NRXN3: variants seen among roughly 807,000 people sequenced by gnomAD.
The protein encoded by NRXN3 is neurexin 3.
Under a neutral mutation model 137.6 loss-of-function variants are expected in NRXN3, and 32 were observed. The ratio of observed to expected loss-of-function variants is 0.23; its 90% confidence interval spans 0.18 to 0.31. NRXN3 has a LOEUF of 0.31. Ranked by LOEUF, NRXN3 falls within the 10% of genes least tolerant of loss-of-function variation. The probability of loss-of-function intolerance (pLI) is 1.00; values close to 1 mark genes in which losing one functional copy is unlikely to be tolerated. For synonymous variants in NRXN3, 798 were observed against 784.5 expected, an observed-to-expected ratio of 1.02 and a Z score of -0.29; for missense variants, 1,574 against 2,062.5, an observed-to-expected ratio of 0.76 and a Z score of 4.59.
chr14:79,292,144 A>G (rs573046832), intron 15 of NRXN3, among the ~76,000 whole-genome samples: 1 of 152,338 alleles, frequency 6.6e-6, no homozygotes, highest in East Asian at 1.9e-4. Context: ...CAGTTCCCGG[A>G]TACTGAAAGC....
intron 14 of NRXN3, among the ~76,000 whole-genome samples, chr14:78,987,675 G>C (rs962629144): frequency 1.3e-5 from 2 of 151,358 alleles, no homozygotes; most frequent in Non-Finnish European, 2.9e-5. Flanking sequence ...TTTTTTCTGA[G>C]TTAGCATTCT....
chr14:78,409,498 T>A (rs896647146), intron 4 of NRXN3, among the ~76,000 whole-genome samples: 5 of 152,230 alleles, frequency 3.3e-5, no homozygotes, highest in Non-Finnish European at 7.3e-5. Flanking sequence ...TTGCCCTTCC[T>A]TTGCATTCAA....
chr14:78,564,497 AT>A (rs139070037), intron 4 of NRXN3, among the ~76,000 whole-genome samples: 2,253 of 152,234 alleles, frequency 0.015, 44 homozygotes, highest in African/African-American at 0.052. Flanking sequence ...TTGTTTAGAA[AT>A]TTACCAGGCA....
intron 15 of NRXN3, among the ~76,000 whole-genome samples, chr14:79,201,844 C>T (rs566884912): frequency 5.9e-5 from 9 of 152,322 alleles, no homozygotes; most frequent in Middle Eastern, 3.4e-3. Flanking sequence ...GCACTTTCTA[C>T]GTCACTACAT....
chr14:79,364,667 A>C (rs555573768), intron 15 of NRXN3, among the ~76,000 whole-genome samples: 52 of 20,546 alleles, frequency 2.5e-3, no homozygotes, highest in African/African-American at 4.0e-3. Context: ...TTAGGTAAAA[A>C]TGAAACAAAA....
At chr14:78,437,335 T>A (rs2094103789) in intron 4 of NRXN3, among the ~76,000 whole-genome samples, 1 of 150,656 alleles carries the variant, frequency 6.6e-6, no homozygotes, top group Non-Finnish European at 1.5e-5. Flanking sequence ...TTTTTTCTTT[T>A]CTTTTCTTTT....
intron 16 of NRXN3, among the ~76,000 whole-genome samples, chr14:79,471,182 A>G (rs1295909615): frequency 6.6e-6 from 1 of 152,122 alleles, no homozygotes. Context: ...AGAGAGCCTG[A>G]CCCTGGGGTA....
chr14:79,077,592 G>T (rs1381613814), intron 15 of NRXN3, among the ~76,000 whole-genome samples: 1 of 152,040 alleles, frequency 6.6e-6, no homozygotes, highest in Non-Finnish European at 1.5e-5. Context: ...GAACTTTTTG[G>T]CAATTATAAA....
chr14:79,823,471 G>T (rs1310303526), intron 20 of NRXN3, among the ~76,000 whole-genome samples: 2 of 152,114 alleles, frequency 1.3e-5, no homozygotes, highest in African/African-American at 4.8e-5. Context: ...AGCTACTTGG[G>T]ATGCTGAGGT....
chr14:78,274,424 T>C (rs12432657), intron 2 of NRXN3, among the ~76,000 whole-genome samples: 37,150 of 152,104 alleles, frequency 0.24, 4,702 homozygotes, highest in East Asian at 0.34. Context: ...TGAGAACTTA[T>C]TCACTACCAC....
At chr14:79,623,710 A>G (rs1193057121) in intron 16 of NRXN3, among the ~76,000 whole-genome samples, 1 of 152,210 alleles carries the variant, frequency 6.6e-6, no homozygotes, top group Non-Finnish European at 1.5e-5. Flanking sequence ...CTGAACTACT[A>G]GCCTATCACC....
chr14:79,497,330 C>G (rs1056328833), intron 16 of NRXN3, among the ~76,000 whole-genome samples: 8 of 152,124 alleles, frequency 5.3e-5, no homozygotes, highest in Non-Finnish European at 1.2e-4. Flanking sequence ...ACAGGTTGAT[C>G]TTGTTTCTAC....
At chr14:79,654,435 T>C (rs975196734) in intron 16 of NRXN3, among the ~76,000 whole-genome samples, 1 of 152,216 alleles carries the variant, frequency 6.6e-6, no homozygotes, top group African/African-American at 2.4e-5. Context: ...TTTAGGCTTG[T>C]AGGCCACATG....
chr14:79,213,032 G>A (rs759695972), intron 15 of NRXN3, among the ~76,000 whole-genome samples: 7 of 151,862 alleles, frequency 4.6e-5, no homozygotes, highest in Admixed American at 1.3e-4. Context: ...TATTTTTTTC[G>A]GGTTGCAATT....
chr14:78,359,646 G>C (rs1421997337), intron 4 of NRXN3, among the ~76,000 whole-genome samples: 1 of 152,148 alleles, frequency 6.6e-6, no homozygotes, highest in Non-Finnish European at 1.5e-5. Flanking sequence ...CAAAGCCCAG[G>C]AGGGTGTGGA....
At chr14:78,338,563 A>G (rs961821177) in intron 4 of NRXN3, among the ~76,000 whole-genome samples, 1 of 152,220 alleles carries the variant, frequency 6.6e-6, no homozygotes, top group Non-Finnish European at 1.5e-5. Context: ...CAGACTAGCT[A>G]GGTTTCCAAA....
intron 1 of NRXN3, among the ~76,000 whole-genome samples, chr14:78,198,823 C>T: frequency 6.6e-6 from 1 of 152,144 alleles, no homozygotes; most frequent in Admixed American, 6.5e-5. Context: ...TGTTTCCTTC[C>T]AGAGAGCATT....
At chr14:79,423,284 G>C (rs2095608240) in intron 15 of NRXN3, among the ~76,000 whole-genome samples, 1 of 152,122 alleles carries the variant, frequency 6.6e-6, no homozygotes, top group Non-Finnish European at 1.5e-5. Flanking sequence ...CATAGAAATA[G>C]GAATAGTCTT....
chr14:78,214,369 G>A (rs1293577123), intron 1 of NRXN3, among the ~76,000 whole-genome samples: 3 of 152,116 alleles, frequency 2.0e-5, no homozygotes, highest in Non-Finnish European at 2.9e-5. Flanking sequence ...TTTAAGTACC[G>A]TGTTCAGACA....
Sources: gnomAD v4.1 joint callset for allele counts (sites outside exome capture counted in the v4.1 genomes callset) on GRCh38, gnomAD v4.1.1 for gene constraint, MANE v1.5 for transcripts, NCBI Gene and HGNC (gene_info 2026-07-23, HGNC 2026-07-21) for gene names.